The following CALN1 variants were observed in gnomAD, a reference collection of about 807,000 sequenced individuals.
CALN1 encodes the protein calneuron 1.
Under a neutral mutation model 30.6 loss-of-function variants are expected in CALN1, and 17 were observed. The observed-to-expected ratio is 0.56, with a 90% confidence interval of 0.38 to 0.83. The LOEUF (loss-of-function observed/expected upper bound fraction) is 0.83, where lower values mean the gene tolerates loss of function less well. Among genes scored for constraint, CALN1 ranks in the 40% least tolerant of loss-of-function variants. CALN1 has a pLI of 0.00. For synonymous variants in CALN1, 156 were observed against 131.4 expected (o/e 1.19, Z -1.28); for missense variants, 291 against 354.9 (o/e 0.82, Z 1.45).
chr7:71,898,064 A>G (rs59902136), intron 5 of CALN1, among the ~76,000 whole-genome samples: 19,187 of 148,732 alleles, frequency 0.13, 2,335 homozygotes, highest in East Asian at 0.41. Flanking sequence ...ATTGGAAACT[A>G]TCAGAAAGAA....
At chr7:71,936,048 C>T (rs1795812547) in intron 5 of CALN1, among the ~76,000 whole-genome samples, 1 of 152,120 alleles carries the variant, frequency 6.6e-6, no homozygotes, top group South Asian at 2.1e-4. Flanking sequence ...AAATAATACC[C>T]TGGAAGTTCT....
At chr7:71,791,758 T>G (rs911366332) in intron 6 of CALN1, among the ~76,000 whole-genome samples, 1 of 152,038 alleles carries the variant, frequency 6.6e-6, no homozygotes, top group Non-Finnish European at 1.5e-5. Flanking sequence ...GCCTGTAATC[T>G]CAGCACTTTG....
intron 4 of CALN1, among the ~76,000 whole-genome samples, chr7:72,089,325 G>C (rs1283963761): frequency 6.6e-6 from 1 of 152,048 alleles, no homozygotes; most frequent in Non-Finnish European, 1.5e-5. Flanking sequence ...CTTCCACACA[G>C]TTGGGTGGAT....
intron 4 of CALN1, among the ~76,000 whole-genome samples, chr7:72,049,642 G>C (rs1346488587): frequency 2.0e-5 from 3 of 151,866 alleles, no homozygotes; most frequent in Non-Finnish European, 4.4e-5. Context: ...TGAGTAGCTG[G>C]GATTACAGGC....
chr7:72,275,226 A>C (rs1797258675), intron 3 of CALN1, among the ~76,000 whole-genome samples: 1 of 152,056 alleles, frequency 6.6e-6, no homozygotes, highest in South Asian at 2.1e-4. Flanking sequence ...ATCAGTGTCC[A>C]ACACATCAAC....
intron 2 of CALN1, among the ~76,000 whole-genome samples, chr7:72,287,993 G>A (rs1238273228): frequency 6.6e-6 from 1 of 151,924 alleles, no homozygotes; most frequent in Admixed American, 6.5e-5. Context: ...GTTATTTATT[G>A]GTATATAATA....
intron 5 of CALN1, among the ~76,000 whole-genome samples, chr7:71,960,085 A>G (rs2129525050): frequency 6.6e-6 from 1 of 151,672 alleles, no homozygotes; most frequent in South Asian, 2.1e-4. Context: ...GTGAGTCAGG[A>G]TGGCACCACT....
At chr7:71,872,034 A>G (rs1402475193) in intron 5 of CALN1, among the ~76,000 whole-genome samples, 2 of 152,208 alleles carry the variant, frequency 1.3e-5, no homozygotes, top group Non-Finnish European at 2.9e-5. Context: ...GCAATAAGAT[A>G]ACTTTTAATG....
At chr7:72,429,100 T>C (rs1025757376) in intron 1 of CALN1, among the ~76,000 whole-genome samples, 2 of 152,190 alleles carry the variant, frequency 1.3e-5, no homozygotes, top group Non-Finnish European at 2.9e-5. Context: ...GTCTGCCCAA[T>C]AGATCATTCA....
At chr7:72,405,249 C>T (rs184444984) in intron 1 of CALN1, among the ~76,000 whole-genome samples, 1 of 152,328 alleles carries the variant, frequency 6.6e-6, no homozygotes, top group Non-Finnish European at 1.5e-5. Flanking sequence ...ACATGTGCAA[C>T]GCACCCATGC....
At chr7:72,038,048 A>G (rs1368503892) in intron 4 of CALN1, among the ~76,000 whole-genome samples, 1 of 152,228 alleles carries the variant, frequency 6.6e-6, no homozygotes, top group African/African-American at 2.4e-5. Flanking sequence ...ATAGGGGGCC[A>G]GGTGCACCAC....
At chr7:72,107,697 G>A (rs1388589780) in intron 3 of CALN1, among the ~76,000 whole-genome samples, 1 of 152,158 alleles carries the variant, frequency 6.6e-6, no homozygotes, top group East Asian at 1.9e-4. Flanking sequence ...AATAAACCCA[G>A]TGCAAGCCCA....
At chr7:72,454,574 C>T in the CALN1 span, among the ~76,000 whole-genome samples, 2 of 152,060 alleles carry the variant, frequency 1.3e-5, no homozygotes, top group Admixed American at 6.5e-5. Flanking sequence ...TTATAGAAAG[C>T]GATTGGCAGA....
chr7:72,005,005 G>A lies in CALN1; in HGVS notation c.501+18652C>T, dbSNP rs770125305. On this transcript the variant is annotated intron_variant, in intron 5 of 6. Coordinates refer to ENST00000395275, the MANE Select transcript of CALN1 (RefSeq NM_031468.4). ...AATAGTGACATACCAAAGCTGGTGA[G>A]AATCAGAAAACCTGAATCACTCATA... Among the ~76,000 whole-genome samples the A allele has an allele frequency of 1.2e-4, 18 of 152,276 alleles. No individual in the cohort carries two copies. The South Asian group carries it at 2.5e-3, about 21-fold the overall frequency.
chr7:72,300,206 G>A lies in CALN1; in HGVS notation c.120-21396C>T, dbSNP rs28592835. ...TTTTTCAAGTTGTTTTTAACATACT[G>A]GTGAGAATGTAATGGGACTGATACT... is the stretch of plus-strand genomic sequence containing the variant. On this transcript the variant is annotated intron_variant, in intron 2 of 6. Coordinates refer to ENST00000395275, the MANE Select transcript of CALN1 (RefSeq NM_031468.4). 8.5e-3 allele frequency among the ~76,000 whole-genome samples: 1,287 copies of A among 152,174 alleles called. 18 individuals carry two copies. The highest frequency in any genetic ancestry group is 0.028 in the African/African-American group (1,149 of 41,518).
intron 3 of CALN1, among the ~76,000 whole-genome samples, chr7:72,119,768 C>T (rs1053163464): frequency 6.6e-6 from 1 of 152,004 alleles, no homozygotes; most frequent in African/African-American, 2.4e-5. Flanking sequence ...TCTTGTGAGA[C>T]TTGTTCACCA....
In CALN1 at chr7:72,327,470, C is replaced by G. The variant is rs557965447; in HGVS notation, c.120-48660G>C. 7.2e-4 allele frequency among the ~76,000 whole-genome samples: 110 copies of G among 152,336 alleles called. 3 individuals carry two copies. In the South Asian group the frequency reaches 0.022, roughly 30 times the overall value. On this transcript the variant is annotated intron_variant, in intron 2 of 6. Coordinates refer to ENST00000395275, the MANE Select transcript of CALN1 (RefSeq NM_031468.4). ...CGGCACTGCACTCCAGCCTGGGCAA[C>G]AGAGCAAGACTCTGTCTCAAAAATA...
intron 5 of CALN1, among the ~76,000 whole-genome samples, chr7:71,939,654 A>T (rs1448205859): frequency 6.6e-6 from 1 of 152,068 alleles, no homozygotes; most frequent in Non-Finnish European, 1.5e-5. Context: ...ATGAGGCAAG[A>T]AACAAAGGTA....
chr7:72,076,380 C>A (rs1032406144), intron 4 of CALN1, among the ~76,000 whole-genome samples: 2 of 151,580 alleles, frequency 1.3e-5, no homozygotes, highest in African/African-American at 4.8e-5. Context: ...GAGCAGATCA[C>A]TTGAGGTCGG....
Sources: allele counts gnomAD v4.1 joint callset (sites outside exome capture counted in the v4.1 genomes callset), GRCh38; gene constraint gnomAD v4.1.1; transcripts MANE v1.5; gene names NCBI Gene and HGNC (gene_info 2026-07-23, HGNC 2026-07-21).